The following RBMS3 variants were observed in gnomAD, a reference collection of about 807,000 sequenced individuals.
RBMS3 encodes RNA-binding motif, single-stranded-interacting protein 3.
RBMS3 carries 27 observed loss-of-function variants against 66.8 expected under a neutral mutation model. The ratio of observed to expected loss-of-function variants is 0.40; its 90% CI spans 0.30 to 0.56. The LOEUF is 0.56. Among genes scored for constraint, RBMS3 ranks in the 20% least tolerant of loss-of-function variants. RBMS3 has a pLI of 0.40. For synonymous variants in RBMS3, 188 were observed against 183.0 expected (o/e 1.03, Z -0.22); for missense variants, 513 against 549.5 (o/e 0.93, Z 0.66).
chr3:29,732,139 C>T (rs1403848054), intron 4 of RBMS3, among the ~76,000 whole-genome samples: 1 of 152,074 alleles, frequency 6.6e-6, no homozygotes, highest in African/African-American at 2.4e-5. Context: ...GGCAACAAGT[C>T]CTAAGATCTT....
intron 14 of RBMS3, among the ~76,000 whole-genome samples, chr3:30,002,852 C>T (rs552820580): frequency 1.2e-4 from 18 of 152,064 alleles, no homozygotes; most frequent in Non-Finnish European, 2.4e-4. Flanking sequence ...TTACAGCTTT[C>T]CTGCAGGGTA....
intron 4 of RBMS3, among the ~76,000 whole-genome samples, chr3:29,650,006 G>A (rs2050085106): frequency 6.6e-6 from 1 of 152,138 alleles, no homozygotes; most frequent in African/African-American, 2.4e-5. Context: ...TATTGGCCAC[G>A]CCCCTCAGGA....
intron 4 of RBMS3, among the ~76,000 whole-genome samples, chr3:29,617,395 G>T (rs2048707829): frequency 6.6e-6 from 1 of 152,178 alleles, no homozygotes; most frequent in Admixed American, 6.5e-5. Flanking sequence ...CATTTATACA[G>T]CTAAAAAACT....
intron 12 of RBMS3, among the ~76,000 whole-genome samples, chr3:29,947,969 A>T (rs987721132): frequency 4.3e-4 from 65 of 150,802 alleles, no homozygotes; most frequent in East Asian, 1.6e-3. Context: ...TTTGAAAAAA[A>T]TTTTTTTTTA....
At chr3:29,553,517 TG>T (rs1221766476) in intron 3 of RBMS3, among the ~76,000 whole-genome samples, 1 of 151,984 alleles carries the variant, frequency 6.6e-6, no homozygotes, top group Admixed American at 6.6e-5. Context: ...CAGCTCTGGA[TG>T]GGAAGGGGAA....
chr3:29,664,750 A>G lies in RBMS3; in HGVS notation c.400-74970A>G, dbSNP rs560945466. Among the ~76,000 whole-genome samples the G allele has an allele frequency of 5.9e-5, 9 of 152,226 alleles. No individual in the cohort carries two copies. In the South Asian group the frequency reaches 1.5e-3, roughly 25 times the overall value. On this transcript the variant is annotated intron_variant, in intron 4 of 14. Transcript: ENST00000383767. ...AGAAAGAAGTCTTTTGAAGATAGCT[A>G]AACATTTTGGATGTTAATTAAAACC...
chr3:29,474,850 A>G (rs1377764535), intron 2 of RBMS3, among the ~76,000 whole-genome samples: 1 of 152,242 alleles, frequency 6.6e-6, no homozygotes, highest in Non-Finnish European at 1.5e-5. Flanking sequence ...TTGGAATTGC[A>G]ACATAGCAGG....
At chr3:29,626,057 G>A (rs896172956) in intron 4 of RBMS3, among the ~76,000 whole-genome samples, 1 of 152,170 alleles carries the variant, frequency 6.6e-6, no homozygotes, top group Admixed American at 6.5e-5. Flanking sequence ...TATGTGATGG[G>A]TGCCTATGCT....
At chr3:29,294,533 A>G (rs376180803) in intron 1 of RBMS3, among the ~76,000 whole-genome samples, 2 of 151,848 alleles carry the variant, frequency 1.3e-5, no homozygotes, top group Non-Finnish European at 2.9e-5. Context: ...AGTGGATTTC[A>G]AAGACAAACT....
intron 4 of RBMS3, among the ~76,000 whole-genome samples, chr3:29,671,085 G>A (rs1215931580): frequency 1.3e-5 from 2 of 152,152 alleles, no homozygotes; most frequent in African/African-American, 4.8e-5. Flanking sequence ...AACATTTGCT[G>A]TTCTGCAATA....
At chr3:29,878,240 G>A (rs558772969) in intron 7 of RBMS3, among the ~76,000 whole-genome samples, 100 of 152,080 alleles carry the variant, frequency 6.6e-4, no homozygotes, top group African/African-American at 2.3e-3. Flanking sequence ...TGTGCAGCCC[G>A]GTTCCTAACA....
intron 4 of RBMS3, among the ~76,000 whole-genome samples, chr3:29,636,143 C>A (rs552892719): frequency 6.6e-6 from 1 of 150,888 alleles, no homozygotes; most frequent in Non-Finnish European, 1.5e-5. Flanking sequence ...GAAAAAATAC[C>A]CATGGTTTAC....
At chr3:29,534,296 T>C (rs1167957877) in intron 3 of RBMS3, among the ~76,000 whole-genome samples, 1 of 152,218 alleles carries the variant, frequency 6.6e-6, no homozygotes, top group African/African-American at 2.4e-5. Flanking sequence ...ACAAGAAATC[T>C]GAGTTTCTGC....
At chr3:29,527,276 A>G (rs939887664) in intron 3 of RBMS3, among the ~76,000 whole-genome samples, 2 of 152,048 alleles carry the variant, frequency 1.3e-5, no homozygotes, top group African/African-American at 4.8e-5. Context: ...ACTAAAATAC[A>G]GAATTACAAT....
chr3:29,626,234 G>GTCAT (rs1403536664), intron 4 of RBMS3, among the ~76,000 whole-genome samples: 1 of 152,132 alleles, frequency 6.6e-6, no homozygotes, highest in Non-Finnish European at 1.5e-5. Context: ...GCGTTTGGGA[G>GTCAT]TCATTAGTAA....
intron 4 of RBMS3, among the ~76,000 whole-genome samples, chr3:29,641,605 G>A (rs977352374): frequency 6.6e-6 from 1 of 152,034 alleles, no homozygotes; most frequent in East Asian, 1.9e-4. Flanking sequence ...AAATGGCAAT[G>A]ACTTTTAATT....
intron 3 of RBMS3, among the ~76,000 whole-genome samples, chr3:29,513,231 C>T (rs552051720): frequency 6.6e-6 from 1 of 152,184 alleles, no homozygotes; most frequent in South Asian, 2.1e-4. Context: ...TTTTATTGGA[C>T]TTAAATGTTT....
intron 1 of RBMS3, among the ~76,000 whole-genome samples, chr3:29,303,877 G>A (rs1347468621): frequency 1.3e-5 from 2 of 151,972 alleles, no homozygotes; most frequent in Non-Finnish European, 2.9e-5. Context: ...AATCATGGTG[G>A]GAGGTGAAAG....
At chr3:29,995,291 G>A (rs566134727) in intron 14 of RBMS3, among the ~76,000 whole-genome samples, 56 of 152,278 alleles carry the variant, frequency 3.7e-4, no homozygotes, top group African/African-American at 1.3e-3. Flanking sequence ...CATCTGATTG[G>A]TGTACCTGAA....
Sources: allele counts gnomAD v4.1 joint callset (sites outside exome capture counted in the v4.1 genomes callset), GRCh38; gene constraint gnomAD v4.1.1; transcripts MANE v1.5; gene names NCBI Gene and HGNC (gene_info 2026-07-23, HGNC 2026-07-21).